CD44: variants seen among roughly 807,000 people sequenced by gnomAD.
CD44 encodes CD44 molecule (IN blood group).
Under a neutral mutation model 88.8 loss-of-function variants are expected in CD44, and 49 were observed. The observed-to-expected ratio is 0.55, with a 90% CI of 0.44 to 0.70. The LOEUF (loss-of-function observed/expected upper bound fraction) is 0.70. Ranked by LOEUF, CD44 falls within the 30% of genes least tolerant of loss-of-function variation. The pLI is 0.00. For missense variants in CD44, 883 were observed against 913.8 expected (o/e 0.97, Z 0.43); for synonymous variants, 325 against 312.3 (o/e 1.04, Z -0.43).
At chr11:35,227,323 C>A (rs1233073037) in intron 17 of CD44, among the ~76,000 whole-genome samples, 1 of 152,188 alleles carries the variant, frequency 6.6e-6, no homozygotes, top group Non-Finnish European at 1.5e-5. Context: ...GTAACTAAGA[C>A]TACAGGCACA....
intron 1 of CD44, among the ~76,000 whole-genome samples, chr11:35,155,401 T>A (rs1476632019): frequency 1.3e-5 from 2 of 152,314 alleles, no homozygotes; most frequent in East Asian, 3.9e-4. Context: ...CTATTTGGGC[T>A]AAGGAAAGAA....
rs1461461902 is a variant in CD44 at position 35,139,260 on chromosome 11, C to T, written c.-44C>T. 1 of 1,511,874 alleles carries T rather than the reference C, an allele frequency of 6.6e-7. No homozygotes were observed. The highest frequency in any genetic ancestry group is 9.0e-7 in the Non-Finnish European group (1 of 1,110,714). The allele number at this position is 1,511,874 out of a possible 1,614,324, so 93.7% of individuals were successfully genotyped here. On this transcript the variant is annotated 5_prime_UTR_variant, in exon 1 of 18. Coordinates refer to ENST00000428726, the MANE Select transcript of CD44 (RefSeq NM_000610.4). The stretch of plus-strand genomic sequence containing the variant: ...CGGCCCCTGCCCCGCGCCCAGGGAT[C>T]CTCCAGCTCCTTTCGCCCGCGCCCT...
At chr11:35,164,419 G>A (rs189224470) in intron 1 of CD44, among the ~76,000 whole-genome samples, 225 of 152,326 alleles carry the variant, frequency 1.5e-3, no homozygotes, top group African/African-American at 4.9e-3. Flanking sequence ...CAAATTAGCA[G>A]CTCCATACAT....
intron 1 of CD44, among the ~76,000 whole-genome samples, chr11:35,163,288 T>C (rs1029571928): frequency 2.0e-5 from 3 of 152,044 alleles, no homozygotes; most frequent in Non-Finnish European, 2.9e-5. Context: ...AACTCATGGT[T>C]GTTCCTAGAA....
At chr11:35,227,507 A>G (rs1197941027) in intron 17 of CD44, among the ~76,000 whole-genome samples, 4 of 152,148 alleles carry the variant, frequency 2.6e-5, no homozygotes, top group African/African-American at 7.2e-5. Context: ...TTTCTTGACC[A>G]TGCATCCTGC....
At chr11:35,163,728 C>A (rs1281900438) in intron 1 of CD44, among the ~76,000 whole-genome samples, 1 of 152,126 alleles carries the variant, frequency 6.6e-6, no homozygotes, top group Non-Finnish European at 1.5e-5. Flanking sequence ...CTCCCTCCCC[C>A]CAGCTAAATG....
chr11:35,210,023 C>T lies in CD44; in HGVS notation c.1575C>T (p.Asp525=). Residue 525 remains aspartate (D), a synonymous_variant, in exon 13 of 18, where the codon GAC becomes GAT. Coordinates refer to ENST00000428726, the MANE Select transcript of CD44 (RefSeq NM_000610.4). ...ATGAAGGCTTGGAAGAAGATAAAGA[C>T]CATCCAACAACTTCTACTCTGACAT... ...TSHEGLEEDK[D]HPTTSTLTSS... is the part of the protein sequence containing the mutation. The T allele has an allele frequency of 1.3e-6, 2 of 1,565,026 alleles. No homozygotes were observed. Among genetic ancestry groups the T allele is most frequent in the African/African-American group, 2.8e-5 (2 of 71,546 alleles).
At chr11:35,220,833 C>A (rs1400929578) in intron 16 of CD44, among the ~76,000 whole-genome samples, 1 of 145,352 alleles carries the variant, frequency 6.9e-6, no homozygotes, top group African/African-American at 2.6e-5. Context: ...GTGGCGCGAC[C>A]TCGGCCCACT....
chr11:35,178,926 TG>T (rs1374035998), intron 2 of CD44, among the ~76,000 whole-genome samples: 1 of 152,236 alleles, frequency 6.6e-6, no homozygotes, highest in Non-Finnish European at 1.5e-5. Context: ...ACAGGACAGA[TG>T]GCAGAGTCTC....
intron 1 of CD44, among the ~76,000 whole-genome samples, chr11:35,173,809 A>T (rs988800883): frequency 2.0e-5 from 3 of 152,202 alleles, no homozygotes; most frequent in Admixed American, 2.0e-4. Flanking sequence ...CTTTGTCATT[A>T]TTTAACAGTT....
intron 7 of CD44, chr11:35,198,595 G>A (rs1026405877): frequency 1.7e-5 from 3 of 181,566 alleles, no homozygotes; most frequent in South Asian, 1.8e-4. Context: ...CTGGAAACAC[G>A]AAGATGAAAA....
At chr11:35,203,207 A>T (rs1375426800) in intron 9 of CD44, among the ~76,000 whole-genome samples, 1 of 152,122 alleles carries the variant, frequency 6.6e-6, no homozygotes, top group Admixed American at 6.6e-5. Flanking sequence ...AATAGAAATC[A>T]TATGTTTTGC....
chr11:35,182,099 A>G (rs1945198052), intron 3 of CD44, among the ~76,000 whole-genome samples: 1 of 143,700 alleles, frequency 7.0e-6, no homozygotes, highest in Admixed American at 7.5e-5. Context: ...ATATAAATAT[A>G]CATATACCAT....
chr11:35,196,508 A>C (rs1946765608), intron 5 of CD44, among the ~76,000 whole-genome samples: 1 of 140,248 alleles, frequency 7.1e-6, no homozygotes, highest in Non-Finnish European at 1.5e-5. Flanking sequence ...TTAAATCTTT[A>C]ATATAAGGAG....
intron 17 of CD44, among the ~76,000 whole-genome samples, chr11:35,226,238 C>T (rs1277082555): frequency 6.6e-6 from 1 of 152,202 alleles, no homozygotes; most frequent in Non-Finnish European, 1.5e-5. Context: ...CTGTCAAGAT[C>T]AGCTTCGTTT....
At chr11:35,173,666 G>C (rs1229880987) in intron 1 of CD44, among the ~76,000 whole-genome samples, 1 of 152,174 alleles carries the variant, frequency 6.6e-6, no homozygotes, top group African/African-American at 2.4e-5. Flanking sequence ...AATCAAGGAA[G>C]ATAATACAGA....
In CD44 at chr11:35,201,754, G is replaced by A. The variant is rs1336583639; in HGVS notation, c.1120G>A (p.Glu374Lys). ...HPPLIHHEHH[E>K]EEETPHSTST... ...TCCCCTCATTCACCATGAGCATCATGAGGAAGAAGAGACCCCACATTCTAC... is the reference window on the plus strand; with the variant it reads ...TCCCCTCATTCACCATGAGCATCATAAGGAAGAAGAGACCCCACATTCTAC... The change falls in exon 9 of 18, where the codon GAG becomes AAG. Residue 374 changes from glutamate (E) to lysine (K), a missense_variant. By Grantham distance (56) the Glu-to-Lys change is moderately conservative (BLOSUM62 1). This residue lies in a region of CD44 where 631 missense variants were observed against 590.9 expected (regional missense o/e 1.07). Coordinates refer to ENST00000428726, the MANE Select transcript of CD44 (RefSeq NM_000610.4). 6.2e-7 allele frequency: 1 copy of A among 1,613,782 alleles called. No individual in the cohort carries two copies. Among genetic ancestry groups the A allele is most frequent in the African/African-American group, 1.3e-5 (1 of 75,010 alleles).
At chr11:35,203,128 T>C (rs981052983) in intron 9 of CD44, among the ~76,000 whole-genome samples, 1 of 152,192 alleles carries the variant, frequency 6.6e-6, no homozygotes, top group Non-Finnish European at 1.5e-5. Context: ...AGGGATCTGA[T>C]TGGTGACCTC....
chr11:35,157,488 T>C (rs1270509873), intron 1 of CD44, among the ~76,000 whole-genome samples: 2 of 152,344 alleles, frequency 1.3e-5, no homozygotes, highest in Admixed American at 6.5e-5. Context: ...TCTATCTCTA[T>C]CTCTTAATTG....
Sources: allele counts gnomAD v4.1 joint callset (sites outside exome capture counted in the v4.1 genomes callset), GRCh38; gene constraint gnomAD v4.1.1; regional missense constraint gnomAD v4.1.1; transcripts MANE v1.5; gene names NCBI Gene and HGNC (gene_info 2026-07-23, HGNC 2026-07-21).